Variants in NCOR2 observed in about 807,000 individuals in gnomAD.
NCOR2 encodes CTG repeat protein 26.
NCOR2 carries 81 observed loss-of-function variants against 262.9 expected under a neutral mutation model. That is an observed-to-expected ratio of 0.31 (90% CI 0.26 to 0.37). The LOEUF is 0.37. Ranked by LOEUF, NCOR2 falls within the 10% of genes least tolerant of loss-of-function variation. The pLI is 1.00. For synonymous variants in NCOR2, 1,659 were observed against 1,559.3 expected, an observed-to-expected ratio of 1.06 and a Z score of -1.51; for missense variants, 3,385 against 3,621.4, an observed-to-expected ratio of 0.93 and a Z score of 1.68.
At chr12:124,477,683 G>A (rs993330272) in intron 3 of NCOR2, among the ~76,000 whole-genome samples, 1 of 152,244 alleles carries the variant, frequency 6.6e-6, no homozygotes, top group Middle Eastern at 3.2e-3. Flanking sequence ...GCTTCCCCTG[G>A]TGCTGGGTTT....
chr12:124,328,821 C>T (rs549658222), intron 44 of NCOR2: 4 of 240,166 alleles, frequency 1.7e-5, no homozygotes, highest in East Asian at 2.2e-4. Flanking sequence ...TTGAAAATCA[C>T]GTTTCTGTAG....
chr12:124,511,344 C>T lies in NCOR2; in HGVS notation c.-117-15976G>A, dbSNP rs369785274. Among the ~76,000 whole-genome samples, 10 of 152,314 alleles carry T rather than the reference C, an allele frequency of 6.6e-5. No individual in the cohort carries two copies. The East Asian group carries it at 7.7e-4, about 12-fold the overall frequency. On this transcript the variant is annotated intron_variant, in intron 1 of 46. Coordinates refer to the NCOR2 transcript ENST00000404621. ...GAAGCCCCAGTGCCAGCCCCCGTGG[C>T]GAGACTGTAAGGCCGTCAGTGCCAC...
In NCOR2 at chr12:124,549,647, G is replaced by A. The variant is rs995065400; in HGVS notation, c.-164-14036C>T. 4.6e-5 allele frequency among the ~76,000 whole-genome samples: 7 copies of A among 152,154 alleles called. No homozygotes were observed. Among genetic ancestry groups the A allele is most frequent in the African/African-American group, 1.7e-4 (7 of 41,438 alleles). ...CCTGACTCCCCACTGCAACCCAGGA[G>A]GTAAATGCTATTACGAACACCCTTC... On this transcript the variant is annotated intron_variant, in intron 1 of 32. Coordinates refer to the NCOR2 transcript ENST00000458234. The surrounding 1 kb of genome is among the most constrained non-coding windows in gnomAD (Gnocchi z 4.4).
upstream of NCOR2, chr12:124,539,754 T>C (rs2051233003): frequency 6.6e-6 from 1 of 152,050 alleles, no homozygotes; most frequent in African/African-American, 2.4e-5. This position sits in a 1 kb window ranked among gnomAD's most constrained non-coding sequence, Gnocchi z 5.1. Flanking sequence ...GCGTTGGCTT[T>C]TACCCTCAAC....
rs988417055 is a variant in NCOR2, at chr12:124,481,918, G to A, written c.411+1678C>T. On this transcript the variant is annotated intron_variant, in intron 3 of 46. Coordinates refer to ENST00000405201, the Ensembl canonical transcript of NCOR2. This position sits in a 1 kb window ranked among gnomAD's most constrained non-coding sequence, Gnocchi z 4.6. The stretch of plus-strand genomic sequence containing the variant: ...GAGGCTACTGCAAAGTTACTGGAGA[G>A]CAATGACGAGCTCAGGCCGGGGGTT... Among the ~76,000 whole-genome samples, 1 of 152,132 alleles carries A rather than the reference G, an allele frequency of 6.6e-6. No individual in the cohort carries two copies. Among genetic ancestry groups the A allele is most frequent in the African/African-American group, 2.4e-5 (1 of 41,424 alleles).
At chr12:124,398,351 G>GT (rs2041809141) in intron 15 of NCOR2, among the ~76,000 whole-genome samples, 170 bp from the exon 18 acceptor site, 1 of 152,238 alleles carries the variant, frequency 6.6e-6, no homozygotes, top group Admixed American at 6.5e-5. Flanking sequence ...TCCCCAGCCA[G>GT]TACCCACCGT....
intron 1 of NCOR2, among the ~76,000 whole-genome samples, chr12:124,506,448 G>C (rs1045435403): frequency 1.3e-5 from 2 of 152,090 alleles, no homozygotes; most frequent in African/African-American, 4.8e-5. Context: ...CCGCCACGGC[G>C]AAGTATGCTC....
chr12:124,332,303 C>T lies in NCOR2; in HGVS notation c.6904+16G>A, dbSNP rs2035270170. 2 of 1,613,560 alleles carry T rather than the reference C, an allele frequency of 1.2e-6. No homozygotes were observed. Among genetic ancestry groups the T allele is most frequent in the Non-Finnish European group, 8.5e-7 (1 of 1,179,770 alleles). On this transcript the variant is annotated intron_variant, in intron 43 of 46. Coordinates refer to ENST00000405201, the Ensembl canonical transcript of NCOR2. ...CTGTGGCCCCATGCTTCCCCGGGAG[C>T]CTGCAGGCCCCTTACTGTATTCAGG...
Position 124,472,933 on chromosome 12 carries a change from TC to T in NCOR2, c.591+18del. 6.2e-7 allele frequency: 1 copy of T among 1,612,126 alleles called. No homozygotes were observed. The highest frequency in any genetic ancestry group is 1.7e-4 in the Middle Eastern group (1 of 6,054). On this transcript the variant is annotated intron_variant, in intron 4 of 46. Coordinates refer to ENST00000405201, the Ensembl canonical transcript of NCOR2. The stretch of plus-strand genomic sequence containing the variant: ...GGAGACTCAGAACAAACACTCCCCC[TC>T]CCCCTGCCCATTCACACCTGCTTCT...
chr12:124,483,685 G>A lies in NCOR2; in HGVS notation c.322C>T (p.Pro108Ser), dbSNP rs2047620448. 3 of 1,611,902 alleles carry A rather than the reference G, an allele frequency of 1.9e-6. No homozygotes were observed. The highest frequency in any genetic ancestry group is 1.7e-6 in the Non-Finnish European group (2 of 1,179,250). The change falls in exon 3 of 47, where the codon CCT becomes TCT. Residue 108 changes from proline (P) to serine (S), a missense_variant. Pro to Ser is a moderately conservative substitution (Grantham distance 74). Transcript: ENST00000405201. This position sits in a 1 kb window ranked among gnomAD's most constrained non-coding sequence, Gnocchi z 6.3. ...GGGTCAGGCAGCAGCTCTAGCCGAG[G>A]GCGCTTGCTTTCAATGAACTCCATC... is the stretch of plus-strand genomic sequence containing the variant.
chr12:124,503,251 G>C lies in NCOR2; in HGVS notation c.-117-7883C>G, dbSNP rs114872305. 5.2e-3 allele frequency among the ~76,000 whole-genome samples: 791 copies of C among 152,350 alleles called. 8 individuals are homozygous for C. The highest frequency in any genetic ancestry group is 0.018 in the African/African-American group (763 of 41,578). Reference sequence around the variant, plus strand: ...TGACCAAGTCAGACAAAAGGCAAAAGGCCCTGCTGACCACGGCCCACACCC... The same window carrying C: ...TGACCAAGTCAGACAAAAGGCAAAACGCCCTGCTGACCACGGCCCACACCC... On this transcript the variant is annotated intron_variant, in intron 1 of 46. Coordinates refer to the NCOR2 transcript ENST00000404621. The surrounding 1 kb of genome is among the most constrained non-coding windows in gnomAD (Gnocchi z 4.3).
chr12:124,402,360 T>C, intron 14 of NCOR2, 44 bp downstream of exon 16: 1 of 1,609,250 alleles, frequency 6.2e-7, no homozygotes, highest in Non-Finnish European at 8.5e-7. Context: ...CCACCCGGGT[T>C]GGGTCAGCGG....
intron 28 of NCOR2, among the ~76,000 whole-genome samples, chr12:124,350,000 GGA>G (rs963851810): frequency 5.9e-5 from 9 of 152,216 alleles, no homozygotes; most frequent in African/African-American, 2.2e-4. Context: ...AGTGGATGGA[GGA>G]GAGGCAATTC....
At chr12:124,337,264 G>A in intron 37 of NCOR2, 84 bp from the exon 40 acceptor site, 1 of 1,449,288 alleles carries the variant, frequency 6.9e-7, no homozygotes, top group East Asian at 2.5e-5. Context: ...ATTGCCCTGG[G>A]ATAAATCCAC....
intron 10 of NCOR2, 87 bp from the exon 13 acceptor site, chr12:124,426,887 C>G: frequency 1.5e-6 from 2 of 1,316,866 alleles, no homozygotes; most frequent in Non-Finnish European, 2.1e-6. Context: ...ACAGAGGGGA[C>G]GGATGGTCTG....
chr12:124,340,377 C>T (rs778339008), exon 36 of NCOR2: 2 of 1,613,066 alleles, frequency 1.2e-6, no homozygotes, highest in South Asian at 1.1e-5. Context: ...GTCCCGCTCT[C>T]GATCCCGGTC....
At chr12:124,470,665 G>A (rs79664839) in intron 4 of NCOR2, among the ~76,000 whole-genome samples, 38 of 152,340 alleles carry the variant, frequency 2.5e-4, no homozygotes, top group Non-Finnish European at 5.4e-4. Context: ...GTAGGGGAAC[G>A]GGGAGTGGCT....
chr12:124,464,544 T>C (rs1565966649), intron 5 of NCOR2, among the ~76,000 whole-genome samples: 2 of 152,248 alleles, frequency 1.3e-5, no homozygotes, highest in Non-Finnish European at 2.9e-5. Flanking sequence ...ATTGAGAGAA[T>C]AACAGTAGTT....
At chr12:124,408,853 G>A (rs992719232) in intron 13 of NCOR2, among the ~76,000 whole-genome samples, 20 of 152,202 alleles carry the variant, frequency 1.3e-4, no homozygotes, top group Non-Finnish European at 2.9e-5. Context: ...GAAGTCATCC[G>A]TGCCGTGGAG....
Sources: allele counts gnomAD v4.1 joint callset (sites outside exome capture counted in the v4.1 genomes callset), GRCh38; gene constraint gnomAD v4.1.1; non-coding constraint Gnocchi (gnomAD v3.1); transcripts MANE v1.5; gene names NCBI Gene and HGNC (gene_info 2026-07-23, HGNC 2026-07-21).